ITPR3: variants seen among roughly 807,000 people sequenced by gnomAD.
ITPR3 encodes the protein inositol 1,4,5-trisphosphate-gated calcium channel ITPR3.
Under a neutral mutation model 293.2 loss-of-function variants are expected in ITPR3, and 173 were observed. The ratio of observed to expected loss-of-function variants is 0.59; its 90% CI spans 0.52 to 0.67. ITPR3 has a LOEUF of 0.67. Ranked by LOEUF, ITPR3 falls within the 30% of genes least tolerant of loss-of-function variation. ITPR3 has a pLI of 0.00. For synonymous variants in ITPR3, 1,295 were observed against 1,444.4 expected (o/e 0.90, Z 2.35); for missense variants, 2,796 against 3,592.1 (o/e 0.78, Z 5.66).
Position 33,686,393 on chromosome 6 carries a change from C to G in ITPR3, c.5869-16C>G. 1.9e-6 allele frequency: 3 copies of G among 1,610,022 alleles called. No individual in the cohort carries two copies. Among genetic ancestry groups the G allele is most frequent in the East Asian group, 2.2e-5 (1 of 44,868 alleles). On this transcript the variant is annotated splice_polypyrimidine_tract_variant and intron_variant, in intron 42 of 57. Transcript: ENST00000605930. ...GAGAGGGCCTGGGCCCTGTGTCCCCCACTGCCTCCTGCCAGACTTGCATTG... is the reference window on the plus strand; with the variant it reads ...GAGAGGGCCTGGGCCCTGTGTCCCCGACTGCCTCCTGCCAGACTTGCATTG...
chr6:33,646,916 C>CA (rs963914670), intron 2 of ITPR3, among the ~76,000 whole-genome samples: 38 of 147,194 alleles, frequency 2.6e-4, no homozygotes, highest in African/African-American at 8.3e-4. Flanking sequence ...GATCCTGTCT[C>CA]AAAAAAAAAG....
chr6:33,683,350 C>T lies in ITPR3; in HGVS notation c.4741C>T (p.Pro1581Ser), dbSNP rs376296760. Residue 1581 changes from proline to serine, a missense_variant, in exon 35 of 58, where the codon CCC (proline) becomes TCC (serine). Transcript: ENST00000605930. The surrounding 1 kb of genome is among the most constrained non-coding windows in gnomAD (Gnocchi z 4.5). ...CACGCGGGCCTTCCCCCGCGTCACC[C>T]CCACCGCCAACCAGTGGGACTACAA... ...ATTRAFPRVT[P>S]TANQWDYKNI... is the part of the protein sequence containing the mutation. 28 of 1,596,422 alleles carry T rather than the reference C, an allele frequency of 1.8e-5. No individual in the cohort carries two copies. The highest frequency in any genetic ancestry group is 2.4e-5 in the Non-Finnish European group (28 of 1,171,964).
chr6:33,670,986 G>C lies in ITPR3; in HGVS notation c.2586+171G>C. The C allele has an allele frequency of 1.3e-6, 1 of 790,096 alleles. No homozygotes were observed. The highest frequency in any genetic ancestry group is 1.5e-6 in the Non-Finnish European group (1 of 651,828). 48.9% of individuals were successfully genotyped at this position (790,096 alleles called of 1,614,324 possible). A position where few individuals can be genotyped will look rare whatever the true frequency, so the allele number is the denominator to read the frequency against. ...AAGGCTGGGATTCTCCAAGAGGCAGGCTCCTGTTCCAATGCCTGGGAAAGG... is the reference window on the plus strand; with the variant it reads ...AAGGCTGGGATTCTCCAAGAGGCAGCCTCCTGTTCCAATGCCTGGGAAAGG... On this transcript the variant is annotated intron_variant, in intron 20 of 57. Transcript: ENST00000605930. This position sits in a 1 kb window ranked among gnomAD's most constrained non-coding sequence, Gnocchi z 6.7.
rs548084731 is a variant in ITPR3, at chr6:33,664,909, G to A, written c.1188G>A (p.Thr396=). 5.6e-6 allele frequency: 9 copies of A among 1,613,704 alleles called. No individual in the cohort carries two copies. Among genetic ancestry groups the A allele is most frequent in the East Asian group, 2.2e-5 (1 of 44,864 alleles). Residue 396 remains threonine (T), a synonymous_variant, in exon 12 of 58, where the codon ACG becomes ACA. Transcript: ENST00000605930. This position sits in a 1 kb window ranked among gnomAD's most constrained non-coding sequence, Gnocchi z 4.4. The part of the protein sequence containing the change: ...YVRLRHLCTN[T]WIQSTNVPID... The stretch of plus-strand genomic sequence containing the variant: ...GGCTGCGGCACCTCTGCACCAACAC[G>A]TGGATTCAGAGCACCAATGTGCCCA...
rs1020474268 is a variant in ITPR3 at position 33,624,406 on chromosome 6, A to T, written c.89+2715A>T. ...GGAATGATTTGTAAGTGCTGTAAGTAATCAGTCCAGCAGCTTCAGCGTCAC... is the reference window on the plus strand; with the variant it reads ...GGAATGATTTGTAAGTGCTGTAAGTTATCAGTCCAGCAGCTTCAGCGTCAC... On this transcript the variant is annotated intron_variant, in intron 1 of 57. Transcript: ENST00000605930. This position sits in a 1 kb window ranked among gnomAD's most constrained non-coding sequence, Gnocchi z 4.7. Among the ~76,000 whole-genome samples, 1 of 152,238 alleles carries T rather than the reference A, an allele frequency of 6.6e-6. No individual in the cohort carries two copies.
At position 33,691,026 on chromosome 6, in the gene ITPR3, A is replaced by G; in HGVS notation, c.7142A>G (p.Tyr2381Cys). The change falls in exon 52 of 58, where the codon TAC (tyrosine) becomes TGC (cysteine). Residue 2381 changes from tyrosine to cysteine, a missense_variant. Around this residue, in one of 8 missense-constraint regions of ITPR3, gnomAD observed 568 missense variants for 796.1 expected, o/e 0.71. Coordinates refer to ENST00000605930, the MANE Select transcript of ITPR3 (RefSeq NM_002224.4). The surrounding 1 kb of genome is among the most constrained non-coding windows in gnomAD (Gnocchi z 4.9). Reference protein sequence around the residue: ...LTALLALILVYLFSIVGFLFL... With the variant: ...LTALLALILVCLFSIVGFLFL... ...GCCCTGCTGGCCCTCATCCTGGTCT[A>G]CCTCTTCTCCATCGTCGGCTTCCTC... 1.2e-6 allele frequency: 2 copies of G among 1,613,658 alleles called. No individual in the cohort carries two copies. Among genetic ancestry groups the G allele is most frequent in the Non-Finnish European group, 1.7e-6 (2 of 1,179,912 alleles).
In ITPR3 at chr6:33,684,192, G is replaced by A. The variant is rs558603236; in HGVS notation, c.4937+24G>A. ...AAGTGAGCGAGACACTGGGGCATGG[G>A]GGCAGCAGGGGTGCAGCGGCAGGGG... is the stretch of plus-strand genomic sequence containing the variant. On this transcript the variant is annotated intron_variant, in intron 36 of 57. Transcript: ENST00000605930. The surrounding 1 kb of genome is among the most constrained non-coding windows in gnomAD (Gnocchi z 4.2). The A allele has an allele frequency of 6.2e-7, 1 of 1,607,150 alleles. No homozygotes were observed. Among genetic ancestry groups the A allele is most frequent in the East Asian group, 2.2e-5 (1 of 44,810 alleles).
At chr6:33,694,040 G>A (rs1407309880) in intron 56 of ITPR3, among the ~76,000 whole-genome samples, 2 of 152,182 alleles carry the variant, frequency 1.3e-5, no homozygotes, top group Non-Finnish European at 2.9e-5. Context: ...GTATCCCTGG[G>A]CCTGTCGTGC....
Position 33,684,487 on chromosome 6 carries a change from G to A in ITPR3, c.5046+22G>A. ...CCGGGTGAGTGCCCTGGTGGGGCAAGTGCTGGGTGGGCCAGTCAGGAGTAC... is the reference window on the plus strand; with the variant it reads ...CCGGGTGAGTGCCCTGGTGGGGCAAATGCTGGGTGGGCCAGTCAGGAGTAC... On this transcript the variant is annotated intron_variant, in intron 37 of 57. Transcript: ENST00000605930. The surrounding 1 kb of genome is among the most constrained non-coding windows in gnomAD (Gnocchi z 4.2). The A allele has an allele frequency of 6.2e-7, 1 of 1,609,840 alleles. No individual in the cohort carries two copies. Among genetic ancestry groups the A allele is most frequent in the East Asian group, 2.2e-5 (1 of 44,842 alleles).
chr6:33,674,195 C>T lies in ITPR3; in HGVS notation c.3059-13C>T, dbSNP rs376042542. 6.5e-5 allele frequency: 105 copies of T among 1,613,840 alleles called. No homozygotes were observed. Among genetic ancestry groups the T allele is most frequent in the Non-Finnish European group, 8.5e-5 (100 of 1,179,936 alleles). Reference sequence around the variant, plus strand: ...GGCCTACAATCTGCTTCCATCTGCCCCTCTCCCCACAGCTGCCAACATGAA... The same window carrying T: ...GGCCTACAATCTGCTTCCATCTGCCTCTCTCCCCACAGCTGCCAACATGAA... On this transcript the variant is annotated splice_polypyrimidine_tract_variant and intron_variant, in intron 23 of 57. Coordinates refer to ENST00000605930, the MANE Select transcript of ITPR3 (RefSeq NM_002224.4).
Position 33,691,268 on chromosome 6 carries a change from CGCT to C in ITPR3, c.7225+160_7225+162del, listed in dbSNP as rs1344840732. The stretch of plus-strand genomic sequence containing the variant: ...ACGTCTAGCTAACACCAGTCTGCCT[CGCT>C]CTTTTCTGGAACACACTGAGTGGGT... On this transcript the variant is annotated intron_variant, in intron 52 of 57. Coordinates refer to ENST00000605930, the MANE Select transcript of ITPR3 (RefSeq NM_002224.4). This position sits in a 1 kb window ranked among gnomAD's most constrained non-coding sequence, Gnocchi z 4.9. Among the ~76,000 whole-genome samples the C allele has an allele frequency of 2.1e-4, 32 of 152,348 alleles. 1 individual carries two copies. Among genetic ancestry groups the C allele is most frequent in the African/African-American group, 7.5e-4 (31 of 41,584 alleles).
chr6:33,691,220 G>A lies in ITPR3; in HGVS notation c.7225+111G>A. ...CGCTTACCTCACCAGGCTCCCGTCTGCTTCTCCTCTTGGCTTCTGGGGACG... is the reference window on the plus strand; with the variant it reads ...CGCTTACCTCACCAGGCTCCCGTCTACTTCTCCTCTTGGCTTCTGGGGACG... On this transcript the variant is annotated intron_variant, in intron 52 of 57. Transcript: ENST00000605930. The surrounding 1 kb of genome is among the most constrained non-coding windows in gnomAD (Gnocchi z 4.9). 1 of 1,055,116 alleles carries A rather than the reference G, an allele frequency of 9.5e-7. No homozygotes were observed. Among genetic ancestry groups the A allele is most frequent in the Non-Finnish European group, 1.4e-6 (1 of 712,724 alleles). 65.4% of individuals were successfully genotyped at this position (1,055,116 alleles called of 1,614,324 possible).
chr6:33,634,722 G>A (rs1387052150), intron 1 of ITPR3, among the ~76,000 whole-genome samples: 2 of 152,066 alleles, frequency 1.3e-5, no homozygotes, highest in Non-Finnish European at 2.9e-5. Context: ...GCGTGGGCTC[G>A]GACAAATGGA....
In ITPR3 at chr6:33,683,216, G is replaced by T; in HGVS notation, c.4607G>T (p.Arg1536Leu). The change falls in exon 35 of 58, where the codon CGG becomes CTG. Residue 1536 changes from arginine to leucine, a missense_variant. Around this residue, in one of 8 missense-constraint regions of ITPR3, gnomAD observed 704 missense variants for 797.5 expected, o/e 0.88. Transcript: ENST00000605930. This position sits in a 1 kb window ranked among gnomAD's most constrained non-coding sequence, Gnocchi z 4.5. The stretch of plus-strand genomic sequence containing the variant: ...CTCCCTTCCCACCCAGCCAAGGGCC[G>T]GGCCATCTTGCTGCCCATGGACCTG... Reference protein sequence around the residue: ...IRTLAMVAKGRAILLPMDLDA... With the variant: ...IRTLAMVAKGLAILLPMDLDA... The T allele has an allele frequency of 6.5e-7, 1 of 1,529,608 alleles. No individual in the cohort carries two copies. The highest frequency in any genetic ancestry group is 2.0e-5 in the Admixed American group (1 of 50,814). The allele number at this position is 1,529,608 out of a possible 1,614,324, so 94.8% of individuals were successfully genotyped here.
intron 3 of ITPR3, among the ~76,000 whole-genome samples, chr6:33,657,264 G>A (rs749198543): frequency 1.4e-4 from 22 of 152,222 alleles, no homozygotes; most frequent in East Asian, 3.8e-4. Context: ...ATCTGGTAAG[G>A]AGGCAGGGCA....
chr6:33,621,518 C>A lies in ITPR3; in HGVS notation c.-85C>A. 1 of 941,842 alleles carries A rather than the reference C, an allele frequency of 1.1e-6. No individual in the cohort carries two copies. The highest frequency in any genetic ancestry group is 1.7e-6 in the Non-Finnish European group (1 of 605,602). 58.3% of individuals were successfully genotyped at this position (941,842 alleles called of 1,614,324 possible). A position where few individuals can be genotyped will look rare whatever the true frequency, so the allele number is the denominator to read the frequency against. ...AGGTGGGAGCGTACCCCTCCCCGCT[C>A]CCCGGACGCCTCAGTCCTCCGCACT... On this transcript the variant is annotated 5_prime_UTR_variant, in exon 1 of 58. Transcript: ENST00000605930. This position sits in a 1 kb window ranked among gnomAD's most constrained non-coding sequence, Gnocchi z 7.7.
intron 56 of ITPR3, among the ~76,000 whole-genome samples, 181 bp downstream of exon 56, chr6:33,693,886 G>C (rs992594291): frequency 6.6e-6 from 1 of 152,256 alleles, no homozygotes; most frequent in African/African-American, 2.4e-5. Flanking sequence ...GCAGACACTT[G>C]TTGAAAGGTC....
Position 33,669,041 on chromosome 6 carries a change from G to A in ITPR3, c.2074G>A (p.Val692Met), listed in dbSNP as rs987006460. ...GAGCATCGAGTACTCAGAAGAGGAA[G>A]TGTGGCTCACGTGGACTGACAAGAA... Reference protein sequence around the residue: ...YLSIEYSEEEVWLTWTDKNNE... With the variant: ...YLSIEYSEEEMWLTWTDKNNE... The change falls in exon 18 of 58, where the codon GTG becomes ATG. Residue 692 changes from valine to methionine, a missense_variant. Physicochemically the swap from Val to Met is conservative, Grantham distance 21. This residue lies in a region of ITPR3 where 955 missense variants were observed against 1,180.8 expected (regional missense o/e 0.81). Transcript: ENST00000605930. The A allele has an allele frequency of 1.2e-6, 2 of 1,614,200 alleles. No homozygotes were observed. The highest frequency in any genetic ancestry group is 3.3e-4 in the Middle Eastern group (2 of 6,060).
chr6:33,640,381 C>G (rs1763919809), intron 1 of ITPR3, 103 bp from the exon 2 acceptor site: 1 of 1,033,406 alleles, frequency 9.7e-7, no homozygotes, highest in African/African-American at 1.6e-5. Flanking sequence ...GAGGAATTAT[C>G]TTAGGGGCTC....
Sources: gnomAD v4.1 joint callset for allele counts (sites outside exome capture counted in the v4.1 genomes callset) on GRCh38, gnomAD v4.1.1 for gene constraint, gnomAD v4.1.1 regional missense constraint, Gnocchi (gnomAD v3.1) non-coding constraint, MANE v1.5 for transcripts, NCBI Gene and HGNC (gene_info 2026-07-23, HGNC 2026-07-21) for gene names.